Variants in SHANK2 observed in about 807,000 individuals in gnomAD.
SHANK2 encodes SH3 and multiple ankyrin repeat domains protein 2.
SHANK2 carries 43 observed loss-of-function variants against 133.7 expected under a neutral mutation model. The observed-to-expected ratio is 0.32, with a 90% CI of 0.25 to 0.41. SHANK2 has a LOEUF of 0.41. Among genes scored for constraint, SHANK2 ranks in the 10% least tolerant of loss-of-function variants. SHANK2 has a pLI of 1.00. For missense variants in SHANK2, 1,994 were observed against 2,235.8 expected (o/e 0.89, Z 2.18); for synonymous variants, 1,017 against 952.8 (o/e 1.07, Z -1.24).
chr11:70,945,029 C>G (rs906620581), intron 10 of SHANK2, among the ~76,000 whole-genome samples: 1 of 152,118 alleles, frequency 6.6e-6, no homozygotes, highest in Non-Finnish European at 1.5e-5. Flanking sequence ...GGTTTCTGCC[C>G]GGACTATTTA....
intron 17 of SHANK2, among the ~76,000 whole-genome samples, chr11:70,619,696 G>A (rs1009227001): frequency 6.6e-6 from 1 of 152,150 alleles, no homozygotes; most frequent in Non-Finnish European, 1.5e-5. Flanking sequence ...ACCCTTCCAG[G>A]CAGTGATAAC....
At chr11:70,524,736 AG>A (rs1382589984) in intron 17 of SHANK2, among the ~76,000 whole-genome samples, 2 of 152,246 alleles carry the variant, frequency 1.3e-5, no homozygotes, top group African/African-American at 4.8e-5. Context: ...TATGCAAAGA[AG>A]GGTGGGGGAA....
intron 22 of SHANK2, 110 bp downstream of exon 22, chr11:70,492,225 C>G: frequency 6.6e-7 from 1 of 1,516,320 alleles, no homozygotes; most frequent in Non-Finnish European, 9.0e-7. Context: ...CACCTCTGGA[C>G]AGCACGAACC....
rs150634162 is a variant in SHANK2 at position 71,098,379 on chromosome 11, C to T, written c.593-3691G>A. Among the ~76,000 whole-genome samples the T allele has an allele frequency of 7.2e-3, 1,101 of 152,304 alleles. 10 individuals are homozygous for T. The highest frequency in any genetic ancestry group is 0.025 in the African/African-American group (1,048 of 41,554). Reference sequence around the variant, plus strand: ...AGATCAGTGGGCTGCAAAAATCAAACGACTGGGCAAGCGATTCTTCCTATG... The same window carrying T: ...AGATCAGTGGGCTGCAAAAATCAAATGACTGGGCAAGCGATTCTTCCTATG... On this transcript the variant is annotated intron_variant, in intron 6 of 25. Coordinates refer to ENST00000601538, the MANE Select transcript of SHANK2 (RefSeq NM_012309.5).
At chr11:71,098,136 C>T (rs1951655873) in intron 6 of SHANK2, among the ~76,000 whole-genome samples, 1 of 139,302 alleles carries the variant, frequency 7.2e-6, no homozygotes, top group Admixed American at 7.3e-5. Context: ...TGTGTACATG[C>T]CTGTGTGCAT....
chr11:70,521,952 A>G (rs1360090901), intron 17 of SHANK2, among the ~76,000 whole-genome samples: 1 of 152,220 alleles, frequency 6.6e-6, no homozygotes, highest in Non-Finnish European at 1.5e-5. Context: ...ACAGAGCTGA[A>G]AACAGCCACG....
At position 71,195,399 on chromosome 11, in the gene SHANK2, A is replaced by G. The variant is rs1953883616; in HGVS notation, c.-13+29298T>C. On this transcript the variant is annotated intron_variant, in intron 2 of 25. Transcript: ENST00000601538. Reference sequence around the variant, plus strand: ...AGAGCGAGACTCCGTCTCAAAAAAAAAAAAAGTGCCTAACCAATTAATCTT... The same window carrying G: ...AGAGCGAGACTCCGTCTCAAAAAAAGAAAAAGTGCCTAACCAATTAATCTT... Among the ~76,000 whole-genome samples the G allele has an allele frequency of 2.0e-5, 3 of 152,192 alleles. No homozygotes were observed. The South Asian group carries it at 6.2e-4, about 32-fold the overall frequency.
intron 24 of SHANK2, 93 bp downstream of exon 24, chr11:70,489,235 C>T (rs890461458): frequency 7.7e-7 from 1 of 1,293,802 alleles, no homozygotes. Flanking sequence ...TCTGGCAATT[C>T]TGTTCCCAAG....
chr11:71,170,345 T>C (rs1032046894), intron 2 of SHANK2, among the ~76,000 whole-genome samples: 7 of 152,204 alleles, frequency 4.6e-5, no homozygotes, highest in Non-Finnish European at 8.8e-5. Context: ...ACAAATATAT[T>C]TTCTGGCATA....
intron 12 of SHANK2, 35 bp downstream of exon 12, chr11:70,820,329 C>T (rs550099321): frequency 1.8e-5 from 11 of 598,348 alleles, no homozygotes; most frequent in Non-Finnish European, 2.8e-5. Flanking sequence ...CAGCACGTGG[C>T]GGTCTTCCTT....
At chr11:70,844,121 C>T (rs544932424) in intron 11 of SHANK2, among the ~76,000 whole-genome samples, 152 of 152,296 alleles carry the variant, frequency 1.0e-3, no homozygotes, top group African/African-American at 3.6e-3. Flanking sequence ...ACACACCCAG[C>T]CCTCGCCTGG....
chr11:70,820,727 C>T (rs1466034862), intron 11 of SHANK2, 45 bp from the exon 12 acceptor site: 1 of 623,294 alleles, frequency 1.6e-6, no homozygotes, highest in Admixed American at 2.5e-5. Context: ...GCATCTGTGT[C>T]GTGGTCAGCT....
intron 11 of SHANK2, among the ~76,000 whole-genome samples, chr11:70,856,681 T>C (rs1949177729): frequency 6.6e-6 from 1 of 152,208 alleles, no homozygotes; most frequent in Admixed American, 6.5e-5. Flanking sequence ...GTTTAAACCA[T>C]GTTTGATACA....
At chr11:70,760,950 C>T (rs1946984529) in intron 14 of SHANK2, among the ~76,000 whole-genome samples, 1 of 152,102 alleles carries the variant, frequency 6.6e-6, no homozygotes, top group African/African-American at 2.4e-5. Flanking sequence ...GGTGATGGTC[C>T]CCTGGAGGAT....
intron 10 of SHANK2, among the ~76,000 whole-genome samples, chr11:70,934,498 C>T (rs1296567435): frequency 2.0e-5 from 3 of 152,148 alleles, no homozygotes; most frequent in Non-Finnish European, 4.4e-5. Context: ...ACAGGGTAAG[C>T]TCCTTGGCTT....
chr11:70,501,625 G>A (rs1490180226), intron 20 of SHANK2, among the ~76,000 whole-genome samples: 1 of 152,234 alleles, frequency 6.6e-6, no homozygotes, highest in Admixed American at 6.5e-5. Context: ...TGGCCCACGT[G>A]GCTGCTAGTC....
Position 70,535,392 on chromosome 11 carries a change from C to G in SHANK2, c.2062-32461G>C, listed in dbSNP as rs1210787222. Among the ~76,000 whole-genome samples the G allele has an allele frequency of 5.9e-5, 9 of 152,098 alleles. No homozygotes were observed. Among genetic ancestry groups the G allele is most frequent in the Non-Finnish European group, 1.3e-4 (9 of 68,014 alleles). On this transcript the variant is annotated intron_variant, in intron 17 of 25. Transcript: ENST00000601538. This position sits in a 1 kb window ranked among gnomAD's most constrained non-coding sequence, Gnocchi z 4.3. ...CATCTGCCATCATCCATCAGTCTAA[C>G]CAGTCCATCCATTTATCCATCATCC...
In SHANK2 at chr11:70,613,425, G is replaced by T. The variant is rs983945130; in HGVS notation, c.2061+46403C>A. On this transcript the variant is annotated intron_variant, in intron 17 of 25. Transcript: ENST00000601538. ...TCACCGTGTTAGCTAGGATGGTCTC[G>T]ATCTCCTGACCTCGTGATCCGCCCA... Among the ~76,000 whole-genome samples, 3 of 152,204 alleles carry T rather than the reference G, an allele frequency of 2.0e-5. No individual in the cohort carries two copies. In the East Asian group the frequency reaches 5.8e-4, roughly 29 times the overall value.
At chr11:70,629,294 G>A (rs2060947074) in intron 17 of SHANK2, among the ~76,000 whole-genome samples, 1 of 152,216 alleles carries the variant, frequency 6.6e-6, no homozygotes, top group Non-Finnish European at 1.5e-5. Flanking sequence ...GAAAAGGCTG[G>A]GAGAGGGGCA....
Sources: gnomAD v4.1 joint callset for allele counts (sites outside exome capture counted in the v4.1 genomes callset) on GRCh38, gnomAD v4.1.1 for gene constraint, Gnocchi (gnomAD v3.1) non-coding constraint, MANE v1.5 for transcripts, NCBI Gene and HGNC (gene_info 2026-07-23, HGNC 2026-07-21) for gene names.